Variants in ANKRD28 observed in about 807,000 individuals in gnomAD.
ANKRD28 encodes ankyrin repeat domain 28, also known as serine/threonine-protein phosphatase 6 regulatory ankyrin repeat subunit A.
Under a neutral mutation model 126.5 loss-of-function variants are expected in ANKRD28, and 44 were observed. The observed-to-expected ratio is 0.35, with a 90% CI of 0.27 to 0.45. The LOEUF (loss-of-function observed/expected upper bound fraction) is 0.45. Among genes scored for constraint, ANKRD28 ranks in the 20% least tolerant of loss-of-function variants. The probability of loss-of-function intolerance (pLI) is 1.00; values close to 1 mark genes in which losing one functional copy is unlikely to be tolerated. For synonymous variants in ANKRD28, 442 were observed against 468.5 expected, an observed-to-expected ratio of 0.94 and a Z score of 0.73; for missense variants, 1,110 against 1,316.6, an observed-to-expected ratio of 0.84 and a Z score of 2.43.
intron 27 of ANKRD28, among the ~76,000 whole-genome samples, chr3:15,675,316 G>A (rs892101831): frequency 4.6e-5 from 7 of 152,088 alleles, no homozygotes; most frequent in Admixed American, 3.3e-4. Flanking sequence ...AAGAATGAGA[G>A]GAATAACTGC....
chr3:15,775,020 G>A (rs1196827645), intron 2 of ANKRD28, among the ~76,000 whole-genome samples: 2 of 152,284 alleles, frequency 1.3e-5, no homozygotes, highest in African/African-American at 2.4e-5. Flanking sequence ...GGGACTACAG[G>A]TGCCCACCAC....
chr3:15,737,425 T>C (rs2125139586), intron 4 of ANKRD28, among the ~76,000 whole-genome samples, 192 bp from the exon 5 acceptor site: 1 of 152,248 alleles, frequency 6.6e-6, no homozygotes, highest in East Asian at 1.9e-4. Flanking sequence ...AAAGCGATAC[T>C]GAGAGTACTC....
At chr3:15,671,489 A>C (rs1303359153) in intron 27 of ANKRD28, among the ~76,000 whole-genome samples, 1 of 152,030 alleles carries the variant, frequency 6.6e-6, no homozygotes, top group Non-Finnish European at 1.5e-5. Context: ...CCCAGTCGTT[A>C]CACCTTTCTT....
intron 4 of ANKRD28, among the ~76,000 whole-genome samples, chr3:15,743,580 A>ACACGCACG (rs1553616155): frequency 6.6e-6 from 1 of 150,452 alleles, no homozygotes; most frequent in African/African-American, 2.5e-5. Flanking sequence ...ACACACACAC[A>ACACGCACG]CACACACACA....
intron 1 of ANKRD28, among the ~76,000 whole-genome samples, chr3:15,834,434 T>C (rs934223250): frequency 6.6e-6 from 1 of 152,180 alleles, no homozygotes; most frequent in African/African-American, 2.4e-5. Context: ...GCCAGTACCA[T>C]GTTGTGTTGG....
chr3:15,743,582 A>ACACACACG (rs1553616170), intron 4 of ANKRD28, among the ~76,000 whole-genome samples: 1 of 150,698 alleles, frequency 6.6e-6, no homozygotes, highest in African/African-American at 2.5e-5. Flanking sequence ...ACACACACAC[A>ACACACACG]CACACACACA....
At chr3:15,733,039 T>G (rs991280049) in intron 6 of ANKRD28, 1 of 152,320 alleles carries the variant, frequency 6.6e-6, no homozygotes, top group African/African-American at 2.4e-5. Flanking sequence ...TGGTGGCGGG[T>G]GCCTGTAATC....
chr3:15,758,673 G>C (rs1039365996), intron 3 of ANKRD28, among the ~76,000 whole-genome samples: 1 of 152,098 alleles, frequency 6.6e-6, no homozygotes, highest in Non-Finnish European at 1.5e-5. Flanking sequence ...CCTTCCAAAG[G>C]AATCAATCCT....
chr3:15,776,701 G>A (rs1463578278), intron 2 of ANKRD28, among the ~76,000 whole-genome samples: 4 of 152,118 alleles, frequency 2.6e-5, no homozygotes, highest in African/African-American at 4.8e-5. Flanking sequence ...GATCTGGGTC[G>A]TGGTGACATT....
intron 18 of ANKRD28, among the ~76,000 whole-genome samples, chr3:15,687,807 C>T (rs765309075): frequency 6.6e-6 from 1 of 152,120 alleles, no homozygotes; most frequent in Non-Finnish European, 1.5e-5. Flanking sequence ...ACTTGTTTGG[C>T]CCATCATTTT....
intron 2 of ANKRD28, among the ~76,000 whole-genome samples, chr3:15,787,409 A>G (rs2059828064): frequency 6.6e-6 from 1 of 152,154 alleles, no homozygotes; most frequent in Non-Finnish European, 1.5e-5. Flanking sequence ...ACTGGAATCT[A>G]GAGGCACTGG....
At chr3:15,850,962 A>G (rs1276525438) in intron 1 of ANKRD28, among the ~76,000 whole-genome samples, 1 of 152,192 alleles carries the variant, frequency 6.6e-6, no homozygotes, top group African/African-American at 2.4e-5. Flanking sequence ...ACAGGTAGAC[A>G]GTGTCAGAAC....
intron 21 of ANKRD28, among the ~76,000 whole-genome samples, chr3:15,681,769 G>A (rs970210663): frequency 6.6e-6 from 1 of 152,108 alleles, no homozygotes; most frequent in Non-Finnish European, 1.5e-5. Context: ...AGCAGATATT[G>A]TATGTGGCAA....
At chr3:15,807,312 T>C (rs570390798) in intron 1 of ANKRD28, among the ~76,000 whole-genome samples, 40 of 152,306 alleles carry the variant, frequency 2.6e-4, no homozygotes, top group East Asian at 5.8e-4. Context: ...CTAGGCAGAA[T>C]AGGATTACCC....
Position 15,743,065 on chromosome 3 carries a change from G to A in ANKRD28, c.352-5832C>T, listed in dbSNP as rs1302656208. Among the ~76,000 whole-genome samples the A allele has an allele frequency of 9.9e-5, 15 of 152,004 alleles. 1 individual carries two copies. Among genetic ancestry groups the A allele is most frequent in the East Asian group, 5.8e-4 (3 of 5,156 alleles). On this transcript the variant is annotated intron_variant, in intron 4 of 27. Coordinates refer to ENST00000683139, the MANE Select transcript of ANKRD28 (RefSeq NM_001349278.2). The stretch of plus-strand genomic sequence containing the variant: ...CTTCTGCCTTGTGATCCTGTTGATC[G>A]GTGACCCTACCCCCAACCCTGTGCT...
intron 14 of ANKRD28, among the ~76,000 whole-genome samples, chr3:15,697,526 T>G (rs1170386294): frequency 6.6e-6 from 1 of 152,094 alleles, no homozygotes; most frequent in Non-Finnish European, 1.5e-5. Flanking sequence ...TTTTTGCCAT[T>G]GGTTCTGTTT....
chr3:15,815,301 C>T lies in ANKRD28; in HGVS notation c.28-19995G>A, dbSNP rs2060809989. Among the ~76,000 whole-genome samples, 1 of 152,174 alleles carries T rather than the reference C, an allele frequency of 6.6e-6. No individual in the cohort carries two copies. The highest frequency in any genetic ancestry group is 2.4e-5 in the African/African-American group (1 of 41,534). On this transcript the variant is annotated intron_variant, in intron 1 of 27. Transcript: ENST00000399451. The surrounding 1 kb of genome is among the most constrained non-coding windows in gnomAD (Gnocchi z 4.1). The stretch of plus-strand genomic sequence containing the variant: ...TCCCTACATAAAAGTGTGGGGCCAA[C>T]CACATTTCTTTTGTTTTTCTTTTAT...
At chr3:15,709,165 T>C (rs1337561939) in intron 13 of ANKRD28, among the ~76,000 whole-genome samples, 1 of 152,170 alleles carries the variant, frequency 6.6e-6, no homozygotes, top group Non-Finnish European at 1.5e-5. Flanking sequence ...GTGGGATGTG[T>C]GGATATATGT....
chr3:15,790,526 A>C (rs999368364), intron 2 of ANKRD28, among the ~76,000 whole-genome samples: 61 of 152,278 alleles, frequency 4.0e-4, no homozygotes, highest in African/African-American at 1.5e-3. Flanking sequence ...TATCAAAAAA[A>C]TAAAGAATAA....
Sources: gnomAD v4.1 joint callset for allele counts (sites outside exome capture counted in the v4.1 genomes callset) on GRCh38, gnomAD v4.1.1 for gene constraint, Gnocchi (gnomAD v3.1) non-coding constraint, MANE v1.5 for transcripts, NCBI Gene and HGNC (gene_info 2026-07-23, HGNC 2026-07-21) for gene names.